Variants in SPMIP4 observed in about 807,000 individuals in gnomAD.
The protein encoded by SPMIP4 is sperm-associated microtubule inner protein 4.
chr7:25,133,102 G>T, the SPMIP4 span, among the ~76,000 whole-genome samples: 4 of 152,228 alleles, frequency 2.6e-5, no homozygotes, highest in African/African-American at 9.6e-5. Context: ...TCTGTGAGCA[G>T]TATATTATTG....
the SPMIP4 span, among the ~76,000 whole-genome samples, chr7:25,156,555 TA>T: frequency 1.3e-4 from 20 of 152,304 alleles, no homozygotes; most frequent in East Asian, 3.7e-3. Context: ...CACAATTTTT[TA>T]AATGGCAGCT....
chr7:25,127,005 G>C, the SPMIP4 span, among the ~76,000 whole-genome samples: 2 of 152,138 alleles, frequency 1.3e-5, no homozygotes, highest in African/African-American at 4.8e-5. Flanking sequence ...AATATGTAAT[G>C]CCACTCCCTC....
At chr7:25,176,298 T>G in the SPMIP4 span, among the ~76,000 whole-genome samples, 1 of 152,210 alleles carries the variant, frequency 6.6e-6, no homozygotes, top group Non-Finnish European at 1.5e-5. This position sits in a 1 kb window ranked among gnomAD's most constrained non-coding sequence, Gnocchi z 4.4. Flanking sequence ...CCTAAATTCT[T>G]GGATTCCTTT....
chr7:25,167,746 ACT>A, the SPMIP4 span, among the ~76,000 whole-genome samples: 430 of 152,218 alleles, frequency 2.8e-3, no homozygotes, highest in African/African-American at 9.8e-3. Context: ...TGTATGATAG[ACT>A]CTGCTCTGAG....
the SPMIP4 span, among the ~76,000 whole-genome samples, chr7:25,149,789 T>C: frequency 6.6e-6 from 1 of 152,238 alleles, no homozygotes; most frequent in Admixed American, 6.5e-5. Context: ...TTTCATATGA[T>C]CCTCTTATCT....
the SPMIP4 span, among the ~76,000 whole-genome samples, chr7:25,153,159 T>C: frequency 6.6e-6 from 1 of 152,198 alleles, no homozygotes; most frequent in Non-Finnish European, 1.5e-5. Flanking sequence ...TGCTCATCTT[T>C]TAAAAATTCC....
At chr7:25,161,133 C>T in the SPMIP4 span, 1 of 1,050,602 alleles carries the variant, frequency 9.5e-7, no homozygotes, top group African/African-American at 1.6e-5. Context: ...TCATATAACT[C>T]ATTTCCACTT....
chr7:25,128,783 C>A, the SPMIP4 span, among the ~76,000 whole-genome samples: 1 of 152,194 alleles, frequency 6.6e-6, no homozygotes, highest in Non-Finnish European at 1.5e-5. This position sits in a 1 kb window ranked among gnomAD's most constrained non-coding sequence, Gnocchi z 4.5. Flanking sequence ...CCTGAAGCCA[C>A]CACACCTGAA....
chr7:25,126,334 C>T, the SPMIP4 span, among the ~76,000 whole-genome samples: 1 of 152,092 alleles, frequency 6.6e-6, no homozygotes, highest in African/African-American at 2.4e-5. Context: ...CAAACCACCA[C>T]GCCCAGCTAA....
chr7:25,142,369 A>G, the SPMIP4 span: 15 of 1,444,876 alleles, frequency 1.0e-5, no homozygotes, highest in Non-Finnish European at 1.4e-5. Context: ...TTGTTAGGGT[A>G]AACGAAGAAC....
At chr7:25,142,741 G>A in the SPMIP4 span, 2 of 1,607,356 alleles carry the variant, frequency 1.2e-6, no homozygotes, top group Non-Finnish European at 1.7e-6. Flanking sequence ...TGAATTTAAA[G>A]AAGTGTTAGG....
At chr7:25,161,800 T>TAATCCATCTCTATTTACAC in the SPMIP4 span, among the ~76,000 whole-genome samples, 125,126 of 151,508 alleles carry the variant, frequency 0.83, 52,103 homozygotes, top group Middle Eastern at 0.92. Flanking sequence ...TCATTTGAAA[T>TAATCCATCTCTATTTACAC]TATTCAGAAA....
chr7:25,152,371 A>G, the SPMIP4 span, among the ~76,000 whole-genome samples: 9 of 152,200 alleles, frequency 5.9e-5, no homozygotes, highest in African/African-American at 1.2e-4. Context: ...TGCTCTCGTG[A>G]TAAGTTTCAA....
chr7:25,136,660 C>G, the SPMIP4 span: 2 of 1,613,992 alleles, frequency 1.2e-6, no homozygotes, highest in South Asian at 2.2e-5. The surrounding 1 kb of genome is among the most constrained non-coding windows in gnomAD (Gnocchi z 5.7). Flanking sequence ...ACACAAAACT[C>G]TAGGAGTACA....
chr7:25,144,593 T>A, the SPMIP4 span, among the ~76,000 whole-genome samples: 2 of 152,178 alleles, frequency 1.3e-5, no homozygotes, highest in Non-Finnish European at 2.9e-5. Context: ...TTAAAGCCAT[T>A]TGGTCAGGGA....
chr7:25,155,189 C>A, the SPMIP4 span: 1 of 1,537,580 alleles, frequency 6.5e-7, no homozygotes, highest in South Asian at 1.2e-5. Context: ...GCAAGCAGAT[C>A]TCTCTAAGAT....
the SPMIP4 span, among the ~76,000 whole-genome samples, chr7:25,153,936 G>A: frequency 7.9e-5 from 12 of 152,168 alleles, no homozygotes; most frequent in East Asian, 1.9e-4. Flanking sequence ...GTCATTATAC[G>A]CTAGCAGGGT....
the SPMIP4 span, among the ~76,000 whole-genome samples, chr7:25,157,649 C>G: frequency 3.9e-5 from 6 of 152,264 alleles, no homozygotes; most frequent in South Asian, 1.2e-3. Flanking sequence ...AACCAATAAT[C>G]CTAAAAATTG....
the SPMIP4 span, among the ~76,000 whole-genome samples, chr7:25,176,114 G>A: frequency 3.5e-4 from 53 of 152,258 alleles, no homozygotes; most frequent in Non-Finnish European, 6.2e-4. This position sits in a 1 kb window ranked among gnomAD's most constrained non-coding sequence, Gnocchi z 4.4. Flanking sequence ...GCCATATATC[G>A]TGTTGAATTT....
Sources: gnomAD v4.1 joint callset for allele counts (sites outside exome capture counted in the v4.1 genomes callset) on GRCh38, gnomAD v4.1.1 for gene constraint, Gnocchi (gnomAD v3.1) non-coding constraint, MANE v1.5 for transcripts, NCBI Gene and HGNC (gene_info 2026-07-23, HGNC 2026-07-21) for gene names.